The following ROCK1 variants were observed in gnomAD, a reference collection of about 807,000 sequenced individuals.
ROCK1 encodes the protein rho-associated protein kinase 1.
ROCK1 carries 36 observed loss-of-function variants against 196.8 expected under a neutral mutation model. The ratio of observed to expected loss-of-function variants is 0.18; its 90% CI spans 0.14 to 0.24. The LOEUF (loss-of-function observed/expected upper bound fraction) is 0.24, where lower values mean the gene tolerates loss of function less well. Among genes scored for constraint, ROCK1 ranks in the 10% least tolerant of loss-of-function variants. The pLI is 1.00. For synonymous variants in ROCK1, 443 were observed against 515.9 expected (o/e 0.86, Z 1.91); for missense variants, 920 against 1,562.0 (o/e 0.59, Z 6.93).
intron 1 of ROCK1, among the ~76,000 whole-genome samples, chr18:21,096,751 G>A (rs2036616345): frequency 1.3e-5 from 2 of 151,876 alleles, no homozygotes; most frequent in Admixed American, 1.3e-4. Context: ...GAGAAAGAAA[G>A]GGAAAAAACA....
chr18:21,077,210 T>C (rs2036440703), intron 1 of ROCK1, among the ~76,000 whole-genome samples: 1 of 151,522 alleles, frequency 6.6e-6, no homozygotes, highest in Admixed American at 6.6e-5. Context: ...CCTGACCTCA[T>C]GATCCACCCG....
intron 19 of ROCK1, among the ~76,000 whole-genome samples, chr18:20,985,266 T>C (rs1411558237): frequency 6.6e-6 from 1 of 152,244 alleles, no homozygotes; most frequent in Non-Finnish European, 1.5e-5. Flanking sequence ...TTGGGACCAA[T>C]GAACTCAAAA....
chr18:21,102,497 G>A (rs2036667445), intron 1 of ROCK1, among the ~76,000 whole-genome samples: 1 of 152,134 alleles, frequency 6.6e-6, no homozygotes, highest in Non-Finnish European at 1.5e-5. Context: ...CTAGCACACA[G>A]TACACACCAA....
intron 1 of ROCK1, among the ~76,000 whole-genome samples, chr18:21,093,720 G>A (rs79130961): frequency 0.01 from 1,545 of 152,182 alleles, 30 homozygotes; most frequent in African/African-American, 0.035. Flanking sequence ...CTGGGAGGCC[G>A]AGGCAGGCAG....
intron 16 of ROCK1, 76 bp downstream of exon 16, chr18:21,006,275 T>C: frequency 4.5e-6 from 5 of 1,115,626 alleles, no homozygotes; most frequent in East Asian, 2.6e-5. Flanking sequence ...CACTGAACTG[T>C]ATATATAAAA....
intron 1 of ROCK1, among the ~76,000 whole-genome samples, chr18:21,096,002 A>T (rs2036609641): frequency 6.6e-6 from 1 of 152,050 alleles, no homozygotes; most frequent in Non-Finnish European, 1.5e-5. Flanking sequence ...TAAAAAAAAA[A>T]ATAAGAGTAG....
chr18:21,037,010 G>A (rs74541153), intron 9 of ROCK1, among the ~76,000 whole-genome samples: 2,790 of 151,738 alleles, frequency 0.018, 29 homozygotes, highest in Non-Finnish European at 0.028. Flanking sequence ...TCTTTAAATC[G>A]TACATGGTAC....
At chr18:21,098,603 T>C (rs1041605441) in intron 1 of ROCK1, among the ~76,000 whole-genome samples, 2 of 142,748 alleles carry the variant, frequency 1.4e-5, no homozygotes, top group Admixed American at 7.1e-5. Flanking sequence ...AGTAACAAAA[T>C]GCAGAAGCAA....
chr18:21,069,479 T>G (rs2036365574), intron 2 of ROCK1, among the ~76,000 whole-genome samples: 1 of 152,114 alleles, frequency 6.6e-6, no homozygotes, highest in South Asian at 2.1e-4. Flanking sequence ...CATTAATGTC[T>G]CTATTTATAA....
chr18:20,959,171 A>AT (rs2035299817), intron 29 of ROCK1, among the ~76,000 whole-genome samples: 1 of 61,982 alleles, frequency 1.6e-5, no homozygotes, highest in African/African-American at 7.1e-5. Context: ...ATATTATATA[A>AT]TATATATAAT....
chr18:20,991,400 ATTC>A, intron 17 of ROCK1, 74 bp from the exon 18 acceptor site: 4 of 981,800 alleles, frequency 4.1e-6, no homozygotes, highest in Non-Finnish European at 4.3e-6. Context: ...TACATTTAAT[ATTC>A]TGGAAGAGAT....
intron 1 of ROCK1, among the ~76,000 whole-genome samples, chr18:21,076,135 C>A (rs1035349282): frequency 1.1e-4 from 16 of 152,216 alleles, no homozygotes; most frequent in African/African-American, 3.9e-4. Context: ...GCAAAAGAAG[C>A]CAAATCATTT....
At chr18:21,016,702 T>C (rs943969140) in intron 12 of ROCK1, among the ~76,000 whole-genome samples, 2 of 152,104 alleles carry the variant, frequency 1.3e-5, no homozygotes, top group African/African-American at 4.8e-5. Flanking sequence ...TGACAACACC[T>C]AGGAATCATC....
intron 29 of ROCK1, among the ~76,000 whole-genome samples, chr18:20,959,075 A>AAT (rs1196084720): frequency 2.2e-5 from 1 of 45,258 alleles, no homozygotes; most frequent in East Asian, 7.2e-4. Context: ...TATATTATAT[A>AAT]ATATATATAT....
chr18:21,034,300 T>A (rs2036038473), intron 9 of ROCK1, among the ~76,000 whole-genome samples: 1 of 152,082 alleles, frequency 6.6e-6, no homozygotes, highest in African/African-American at 2.4e-5. Flanking sequence ...AAAAACCCAT[T>A]ATAAAATTCA....
At chr18:20,996,950 T>C (rs770213007) in intron 16 of ROCK1, among the ~76,000 whole-genome samples, 1 of 151,924 alleles carries the variant, frequency 6.6e-6, no homozygotes, top group Non-Finnish European at 1.5e-5. Flanking sequence ...ATACAACAGA[T>C]AGATACCCAA....
At chr18:20,976,674 C>T (rs2035483971) in intron 22 of ROCK1, among the ~76,000 whole-genome samples, 1 of 152,156 alleles carries the variant, frequency 6.6e-6, no homozygotes, top group South Asian at 2.1e-4. Flanking sequence ...TAACAGATCT[C>T]TATATTAGTG....
At chr18:21,058,137 T>C (rs1395480463) in intron 2 of ROCK1, among the ~76,000 whole-genome samples, 1 of 152,214 alleles carries the variant, frequency 6.6e-6, no homozygotes, top group African/African-American at 2.4e-5. Flanking sequence ...TACACAGATA[T>C]GGATTTTTTT....
intron 17 of ROCK1, among the ~76,000 whole-genome samples, chr18:20,991,679 G>A (rs926939957): frequency 2.0e-5 from 3 of 151,272 alleles, no homozygotes; most frequent in African/African-American, 7.3e-5. Flanking sequence ...CTGTCACCCA[G>A]GCTGGAGTGC....
Sources: gnomAD v4.1 joint callset for allele counts (sites outside exome capture counted in the v4.1 genomes callset) on GRCh38, gnomAD v4.1.1 for gene constraint, MANE v1.5 for transcripts, NCBI Gene and HGNC (gene_info 2026-07-23, HGNC 2026-07-21) for gene names.